PRIMA1: variants seen among roughly 807,000 people sequenced by gnomAD.
PRIMA1 encodes proline rich membrane anchor 1, also known as proline-rich membrane anchor 1.
In PRIMA1, 7 loss-of-function variants were observed where a neutral mutation model predicts 17.5. The ratio of observed to expected loss-of-function variants is 0.40; its 90% CI spans 0.23 to 0.75. The LOEUF is 0.75. Ranked by LOEUF, PRIMA1 falls within the 30% of genes least tolerant of loss-of-function variation. PRIMA1 has a pLI of 0.37. For synonymous variants in PRIMA1, 97 were observed against 77.9 expected (o/e 1.25, Z -1.29); for missense variants, 200 against 201.8 (o/e 0.99, Z 0.05).
intron 2 of PRIMA1, 118 bp from the exon 3 acceptor site, chr14:93,779,429 G>A (rs969346170): frequency 2.5e-6 from 2 of 812,576 alleles, no homozygotes; most frequent in East Asian, 5.8e-5. Context: ...TCCTTTCCAA[G>A]ACCAAGGCAG....
Position 93,718,878 on chromosome 14 carries a change from C to A in PRIMA1, c.*2566G>T, listed in dbSNP as rs1595183461. The A allele has an allele frequency of 2.6e-5, 4 of 152,340 alleles. No individual in the cohort carries two copies. The South Asian group carries it at 8.3e-4, about 32-fold the overall frequency. The allele number at this position is 152,340 out of a possible 1,614,324, so 9.4% of individuals were successfully genotyped here. On this transcript the variant is annotated 3_prime_UTR_variant, in exon 5 of 5. Coordinates refer to ENST00000393140, the MANE Select transcript of PRIMA1 (RefSeq NM_178013.4). ...GTGCATTTCATTCTTGACCTCAGGGCTCGGACTAGCCTGAGGATCGGTGTG... is the reference window on the plus strand; with the variant it reads ...GTGCATTTCATTCTTGACCTCAGGGATCGGACTAGCCTGAGGATCGGTGTG...
intron 3 of PRIMA1, among the ~76,000 whole-genome samples, chr14:93,747,956 T>C (rs1184649999): frequency 6.8e-6 from 1 of 147,326 alleles, no homozygotes; most frequent in Non-Finnish European, 1.5e-5. Flanking sequence ...TGTATGAGTG[T>C]GTGTGTATAA....
intron 3 of PRIMA1, among the ~76,000 whole-genome samples, chr14:93,765,063 TC>T (rs199932154): frequency 6.6e-6 from 1 of 151,070 alleles, no homozygotes; most frequent in African/African-American, 2.4e-5. Flanking sequence ...CCCCGTTGAG[TC>T]CCCCCCACTC....
rs979960848 is a variant in PRIMA1, at chr14:93,719,137, A to G, written c.*2307T>C. The G allele has an allele frequency of 4.6e-5, 7 of 152,150 alleles. No homozygotes were observed. The highest frequency in any genetic ancestry group is 6.5e-5 in the Admixed American group (1 of 15,270). 9.4% of individuals were successfully genotyped at this position (152,150 alleles called of 1,614,324 possible). ...CTTGATTTTTGCTAACTGGGGTGAG[A>G]AGGGATTTTACAAGCCCAGCTGAGA... On this transcript the variant is annotated 3_prime_UTR_variant, in exon 5 of 5. Transcript: ENST00000393140.
At chr14:93,751,811 G>T (rs529826040) in intron 3 of PRIMA1, among the ~76,000 whole-genome samples, 1 of 152,182 alleles carries the variant, frequency 6.6e-6, no homozygotes, top group Non-Finnish European at 1.5e-5. Flanking sequence ...ACGTAGTATT[G>T]AAGAAAACAA....
Position 93,779,310 on chromosome 14 carries a change from A to G in PRIMA1, c.95T>C (p.Val32Ala). The G allele has an allele frequency of 6.5e-7, 1 of 1,550,320 alleles. No individual in the cohort carries two copies. The highest frequency in any genetic ancestry group is 2.0e-5 in the Admixed American group (1 of 48,966). The change falls in exon 3 of 5, where the codon GTG (valine) becomes GCG (alanine). Residue 32 changes from valine to alanine, a missense_variant and splice_region_variant. Physicochemically the swap from Val to Ala is moderately conservative, Grantham distance 64 (BLOSUM62 0). Coordinates refer to ENST00000393140, the MANE Select transcript of PRIMA1 (RefSeq NM_178013.4). ...ALHPLWGFVQ[V>A]THGEPQKSCS... ...GGACTTCTGGGGCTCACCATGCGTC[A>G]CCTGTACACATGGGCACACGTACCC...
chr14:93,751,372 C>G (rs571895559), intron 3 of PRIMA1, among the ~76,000 whole-genome samples: 132 of 152,326 alleles, frequency 8.7e-4, no homozygotes, highest in Admixed American at 2.0e-3. Flanking sequence ...CGGCTTCCCC[C>G]CTGCTCCACC....
At chr14:93,762,794 C>A (rs1884772423) in intron 3 of PRIMA1, among the ~76,000 whole-genome samples, 1 of 152,176 alleles carries the variant, frequency 6.6e-6, no homozygotes, top group Non-Finnish European at 1.5e-5. Flanking sequence ...CCTGTAGGCC[C>A]CACTCCATCT....
At chr14:93,780,867 C>T (rs1885357047) in intron 2 of PRIMA1, among the ~76,000 whole-genome samples, 1 of 152,218 alleles carries the variant, frequency 6.6e-6, no homozygotes, top group Non-Finnish European at 1.5e-5. Context: ...TCACCCTCCA[C>T]CTCCTCGACA....
chr14:93,763,005 G>A (rs569218252), intron 3 of PRIMA1, among the ~76,000 whole-genome samples: 7 of 152,138 alleles, frequency 4.6e-5, no homozygotes, highest in African/African-American at 1.2e-4. Context: ...CACCTGACCC[G>A]ACCCCAGCTT....
intron 3 of PRIMA1, among the ~76,000 whole-genome samples, chr14:93,741,340 G>A (rs892032350): frequency 6.6e-6 from 1 of 152,226 alleles, no homozygotes; most frequent in Admixed American, 6.5e-5. Flanking sequence ...CCTGATCTTT[G>A]GGCTACAGCT....
At chr14:93,787,552 T>G in intron 2 of PRIMA1, 74 bp downstream of exon 2, 1 of 1,533,450 alleles carries the variant, frequency 6.5e-7, no homozygotes, top group Non-Finnish European at 8.7e-7. Flanking sequence ...GAGGCCAGGG[T>G]CTCAGGAGGG....
At chr14:93,750,776 A>T (rs2076254746) in intron 3 of PRIMA1, among the ~76,000 whole-genome samples, 1 of 152,218 alleles carries the variant, frequency 6.6e-6, no homozygotes, top group South Asian at 2.1e-4. Context: ...GTATTTTGCA[A>T]GTAAACAACC....
Position 93,721,309 on chromosome 14 carries a change from C to G in PRIMA1, c.*135G>C, listed in dbSNP as rs2076036205. Reference sequence around the variant, plus strand: ...CAAGCCTGGGAAGACAATGGTTTCTCCTTCGGGAGGCTCAGGGCCTGTGAG... The same window carrying G: ...CAAGCCTGGGAAGACAATGGTTTCTGCTTCGGGAGGCTCAGGGCCTGTGAG... On this transcript the variant is annotated 3_prime_UTR_variant, in exon 5 of 5. Transcript: ENST00000393140. The G allele has an allele frequency of 4.9e-6, 3 of 616,120 alleles. No individual in the cohort carries two copies. In the Admixed American group the frequency reaches 9.0e-5, roughly 18 times the overall value. The allele number at this position is 616,120 out of a possible 1,614,324, so 38.2% of individuals were successfully genotyped here. A position where few individuals can be genotyped will look rare whatever the true frequency, so the allele number is the denominator to read the frequency against.
intron 3 of PRIMA1, among the ~76,000 whole-genome samples, chr14:93,748,050 G>GTGTGTGTATGTGAGTGTGAA (rs1555415681): frequency 1.6e-4 from 24 of 151,190 alleles, no homozygotes; most frequent in Non-Finnish European, 3.4e-4. Context: ...GTGTGTGAGT[G>GTGTGTGTATGTGAGTGTGAA]TGTGTATGTG....
chr14:93,764,499 C>T (rs546573840), intron 3 of PRIMA1, among the ~76,000 whole-genome samples: 6 of 152,202 alleles, frequency 3.9e-5, no homozygotes, highest in African/African-American at 1.4e-4. Context: ...CTAATCTTCC[C>T]CCGTGAACTC....
rs535752937 is a variant in PRIMA1 at position 93,774,040 on chromosome 14, C to T, written c.229+5136G>A. On this transcript the variant is annotated intron_variant, in intron 3 of 4. Transcript: ENST00000393140. Reference sequence around the variant, plus strand: ...TCAGGAGGCAGAGATTGCAGTGAGCCGAGATCACAGCACCGCACTTCAGCC... The same window carrying T: ...TCAGGAGGCAGAGATTGCAGTGAGCTGAGATCACAGCACCGCACTTCAGCC... 8.6e-4 allele frequency among the ~76,000 whole-genome samples: 131 copies of T among 151,820 alleles called. 4 individuals are homozygous for T. In the South Asian group the frequency reaches 0.022, roughly 26 times the overall value.
Position 93,779,484 on chromosome 14 carries a change from T to C in PRIMA1, c.94-173A>G, listed in dbSNP as rs1212293974. ...GATTGGTTCAAAGGGGACAATGTTG[T>C]TGGCGGTTGGCCTGGCTGGTTGGAG... On this transcript the variant is annotated intron_variant, in intron 2 of 4. Transcript: ENST00000393140. 3.9e-5 allele frequency among the ~76,000 whole-genome samples: 6 copies of C among 152,318 alleles called. No homozygotes were observed. In the East Asian group the frequency reaches 7.7e-4, roughly 20 times the overall value.
intron 1 of PRIMA1, 67 bp from the exon 2 acceptor site, chr14:93,787,816 A>G (rs1225560559): frequency 1.3e-6 from 2 of 1,483,920 alleles, no homozygotes; most frequent in Non-Finnish European, 1.8e-6. Flanking sequence ...GCGCACCAAT[A>G]TACCTCCCAG....
Sources: gnomAD v4.1 joint callset for allele counts (sites outside exome capture counted in the v4.1 genomes callset) on GRCh38, gnomAD v4.1.1 for gene constraint, MANE v1.5 for transcripts, NCBI Gene and HGNC (gene_info 2026-07-23, HGNC 2026-07-21) for gene names.